Variants in FGF12 observed in about 807,000 individuals in gnomAD.
The protein encoded by FGF12 is fibroblast growth factor 12B.
Under a neutral mutation model 23.6 loss-of-function variants are expected in FGF12, and 14 were observed. The observed-to-expected ratio is 0.59, with a 90% confidence interval of 0.39 to 0.93. The LOEUF is 0.93. FGF12 is among the 40% of genes least tolerant of loss of function. The pLI is 0.00. For synonymous variants in FGF12, 62 were observed against 77.3 expected (o/e 0.80, Z 1.04); for missense variants, 175 against 217.8 (o/e 0.80, Z 1.24).
At chr3:192,616,012 CAAT>C (rs1231568441) in intron 2 of FGF12, among the ~76,000 whole-genome samples, 1 of 151,848 alleles carries the variant, frequency 6.6e-6, no homozygotes, top group Admixed American at 6.6e-5. Context: ...AAAAATTCTA[CAAT>C]AATTATTAGT....
At chr3:192,630,042 T>C (rs557008382) in intron 2 of FGF12, among the ~76,000 whole-genome samples, 14 of 152,258 alleles carry the variant, frequency 9.2e-5, no homozygotes, top group African/African-American at 2.6e-4. Context: ...GTGGATTTCT[T>C]ATGAATGGTT....
chr3:192,521,945 GACTTTT>G (rs1395167874), intron 2 of FGF12, among the ~76,000 whole-genome samples: 4 of 152,142 alleles, frequency 2.6e-5, no homozygotes, highest in South Asian at 2.1e-4. Context: ...AAACAATGGG[GACTTTT>G]ACTTTGGGAG....
chr3:192,185,316 C>T (rs930835498), intron 4 of FGF12, among the ~76,000 whole-genome samples: 1 of 152,204 alleles, frequency 6.6e-6, no homozygotes, highest in African/African-American at 2.4e-5. Context: ...TGCACAGTAG[C>T]TGGCATCTGA....
At chr3:192,454,345 T>C (rs1182963152) in intron 2 of FGF12, among the ~76,000 whole-genome samples, 1 of 152,152 alleles carries the variant, frequency 6.6e-6, no homozygotes, top group African/African-American at 2.4e-5. Flanking sequence ...CCTACATCTC[T>C]CTTAACAAGA....
At chr3:192,199,066 A>G (rs1277625062) in intron 4 of FGF12, among the ~76,000 whole-genome samples, 4 of 152,254 alleles carry the variant, frequency 2.6e-5, no homozygotes, top group Non-Finnish European at 4.4e-5. Flanking sequence ...TTCAAGGAAG[A>G]TATGTGCAAG....
chr3:192,718,461 G>A (rs887654583), intron 2 of FGF12, among the ~76,000 whole-genome samples: 37 of 151,948 alleles, frequency 2.4e-4, no homozygotes, highest in African/African-American at 8.7e-4. Flanking sequence ...CACAAATGCT[G>A]GTTCTTTCAA....
intron 3 of FGF12, among the ~76,000 whole-genome samples, chr3:192,358,157 T>A: frequency 6.6e-6 from 1 of 152,114 alleles, no homozygotes; most frequent in East Asian, 1.9e-4. Flanking sequence ...TTTCTTAAAT[T>A]AGATATATAT....
At chr3:192,333,786 A>G (rs1717247815) in intron 4 of FGF12, among the ~76,000 whole-genome samples, 1 of 152,106 alleles carries the variant, frequency 6.6e-6, no homozygotes, top group South Asian at 2.1e-4. Context: ...AAGAGGAGAA[A>G]AGAAATACAA....
At chr3:192,434,761 G>A (rs1260692676) in intron 2 of FGF12, among the ~76,000 whole-genome samples, 1 of 152,024 alleles carries the variant, frequency 6.6e-6, no homozygotes, top group Non-Finnish European at 1.5e-5. Flanking sequence ...TGTCGTGGTT[G>A]CAAAGCCAAT....
intron 4 of FGF12, among the ~76,000 whole-genome samples, chr3:192,261,033 G>A (rs2108617133): frequency 6.6e-6 from 1 of 152,200 alleles, no homozygotes; most frequent in South Asian, 2.1e-4. Context: ...CTGGGGTACA[G>A]GGGTAAAGGA....
chr3:192,305,867 T>C (rs889614920), intron 4 of FGF12, among the ~76,000 whole-genome samples: 1 of 132,270 alleles, frequency 7.6e-6, no homozygotes, highest in African/African-American at 2.9e-5. Context: ...TTTTTTTTTT[T>C]TTTTTTTTTT....
intron 2 of FGF12, among the ~76,000 whole-genome samples, chr3:192,385,407 T>C (rs144667743): frequency 6.6e-6 from 1 of 152,168 alleles, no homozygotes; most frequent in Non-Finnish European, 1.5e-5. Context: ...CCATATCATA[T>C]GTTTAATATT....
intron 2 of FGF12, among the ~76,000 whole-genome samples, chr3:192,555,721 C>T (rs1711741294): frequency 6.6e-6 from 1 of 150,932 alleles, no homozygotes; most frequent in African/African-American, 2.4e-5. Flanking sequence ...TTGCTTGAAC[C>T]CGGGAGGTGG....
chr3:192,652,155 T>G (rs1196422006), intron 2 of FGF12, among the ~76,000 whole-genome samples: 2 of 152,160 alleles, frequency 1.3e-5, no homozygotes, highest in African/African-American at 4.8e-5. Context: ...TAAAACGAAT[T>G]GTATGCCATG....
chr3:192,331,880 T>C (rs2108693771), intron 4 of FGF12, among the ~76,000 whole-genome samples: 1 of 152,180 alleles, frequency 6.6e-6, no homozygotes, highest in East Asian at 1.9e-4. Context: ...AAAATATTGG[T>C]CTACTCAGAA....
At chr3:192,258,381 C>A (rs1011474311) in intron 4 of FGF12, among the ~76,000 whole-genome samples, 1 of 152,084 alleles carries the variant, frequency 6.6e-6, no homozygotes, top group Non-Finnish European at 1.5e-5. Flanking sequence ...TCACTTGAAC[C>A]CGCGAGGCAG....
At chr3:192,671,576 C>T (rs1449958197) in intron 2 of FGF12, among the ~76,000 whole-genome samples, 1 of 152,108 alleles carries the variant, frequency 6.6e-6, no homozygotes, top group African/African-American at 2.4e-5. Flanking sequence ...TGGGGCAAGT[C>T]CATAGGCTTC....
intron 2 of FGF12, among the ~76,000 whole-genome samples, chr3:192,668,320 C>G (rs1339113200): frequency 9.2e-5 from 14 of 152,166 alleles, no homozygotes. Context: ...GACAAAACTA[C>G]TATTCTACGG....
chr3:192,279,691 G>C (rs932816311), intron 4 of FGF12, among the ~76,000 whole-genome samples: 2 of 152,142 alleles, frequency 1.3e-5, no homozygotes, highest in Non-Finnish European at 2.9e-5. Flanking sequence ...GGACTCAGCT[G>C]TATCATAAAC....
Sources: gnomAD v4.1 joint callset for allele counts (sites outside exome capture counted in the v4.1 genomes callset) on GRCh38, gnomAD v4.1.1 for gene constraint, MANE v1.5 for transcripts, NCBI Gene and HGNC (gene_info 2026-07-23, HGNC 2026-07-21) for gene names.